The following CCDC148 variants were observed in gnomAD, a reference collection of about 807,000 sequenced individuals.
The protein encoded by CCDC148 is coiled-coil domain containing 148, also known as coiled-coil domain-containing protein 148.
Under a neutral mutation model 85.7 loss-of-function variants are expected in CCDC148, and 89 were observed. The ratio of observed to expected loss-of-function variants is 1.04; its 90% CI spans 0.87 to 1.24. The LOEUF (loss-of-function observed/expected upper bound fraction) is 1.24, where lower values mean the gene tolerates loss of function less well. Ranked by LOEUF, CCDC148 falls within the 50% of genes most tolerant of loss-of-function variation. The pLI is 0.00. For missense variants in CCDC148, 692 were observed against 671.7 expected (o/e 1.03, Z -0.33); for synonymous variants, 230 against 213.9 (o/e 1.08, Z -0.66).
intron 1 of CCDC148, among the ~76,000 whole-genome samples, chr2:158,448,061 T>C (rs1256689452): frequency 6.6e-6 from 1 of 152,112 alleles, no homozygotes; most frequent in African/African-American, 2.4e-5. Context: ...GTATGGTGTT[T>C]GGTAAGAATT....
chr2:158,326,194 C>A (rs1446329672), intron 7 of CCDC148, among the ~76,000 whole-genome samples: 1 of 152,174 alleles, frequency 6.6e-6, no homozygotes, highest in Non-Finnish European at 1.5e-5. Flanking sequence ...CAGGCATACT[C>A]CCGCCTCAGT....
intron 1 of CCDC148, among the ~76,000 whole-genome samples, chr2:158,416,112 T>C (rs1686488377): frequency 1.3e-5 from 2 of 152,076 alleles, no homozygotes; most frequent in Admixed American, 6.5e-5. Flanking sequence ...TCTGGAGGAG[T>C]GGCCTGAGAC....
chr2:158,357,151 G>A (rs957803427), intron 2 of CCDC148, among the ~76,000 whole-genome samples: 3 of 151,236 alleles, frequency 2.0e-5, no homozygotes, highest in African/African-American at 7.3e-5. Flanking sequence ...AGTGGGTGCA[G>A]TGCACCAGAA....
chr2:158,369,639 T>C (rs1392396070), intron 1 of CCDC148, among the ~76,000 whole-genome samples: 1 of 152,128 alleles, frequency 6.6e-6, no homozygotes, highest in Non-Finnish European at 1.5e-5. Context: ...TACTTCCTAT[T>C]TGAATATTCT....
intron 7 of CCDC148, among the ~76,000 whole-genome samples, chr2:158,329,398 T>C (rs1204659940): frequency 6.6e-6 from 1 of 152,238 alleles, no homozygotes; most frequent in African/African-American, 2.4e-5. Context: ...ACCAGTACCA[T>C]GCTGTTTTGG....
chr2:158,249,398 T>C (rs1260225279), intron 10 of CCDC148, among the ~76,000 whole-genome samples: 1 of 152,180 alleles, frequency 6.6e-6, no homozygotes, highest in African/African-American at 2.4e-5. Context: ...ACTTACATTA[T>C]TTGAAACGTG....
intron 10 of CCDC148, among the ~76,000 whole-genome samples, chr2:158,244,096 A>C (rs1574475604): frequency 1.3e-5 from 2 of 152,020 alleles, no homozygotes; most frequent in Non-Finnish European, 2.9e-5. Flanking sequence ...CCATATTTCT[A>C]CTAACAGTTG....
chr2:158,213,136 G>T (rs1686666998), intron 11 of CCDC148, among the ~76,000 whole-genome samples: 2 of 152,160 alleles, frequency 1.3e-5, no homozygotes, highest in Admixed American at 6.6e-5. Flanking sequence ...TTCTAATGTA[G>T]CAAAGAATGG....
chr2:158,280,019 C>A (rs1690189122), intron 9 of CCDC148, among the ~76,000 whole-genome samples: 1 of 151,662 alleles, frequency 6.6e-6, no homozygotes. Flanking sequence ...TCATATCCAG[C>A]CAAACTAAGC....
In CCDC148 at chr2:158,226,280, C is replaced by A. The variant is rs556312915; in HGVS notation, c.1252-5567G>T. ...GAAGAAGTTGAATCTCTGAAGAGAC[C>A]AATAACAGGCTCTGAAATTGAGGCA... is the stretch of plus-strand genomic sequence containing the variant. On this transcript the variant is annotated intron_variant, in intron 10 of 13. Coordinates refer to ENST00000283233, the MANE Select transcript of CCDC148 (RefSeq NM_138803.4). Among the ~76,000 whole-genome samples, 8 of 152,066 alleles carry A rather than the reference C, an allele frequency of 5.3e-5. No homozygotes were observed. The East Asian group carries it at 1.3e-3, about 26-fold the overall frequency.
At chr2:158,398,588 A>T (rs532647085) in intron 1 of CCDC148, among the ~76,000 whole-genome samples, 11 of 152,200 alleles carry the variant, frequency 7.2e-5, no homozygotes, top group Non-Finnish European at 1.6e-4. Flanking sequence ...ATGAGAACAA[A>T]GGCATAACAC....
chr2:158,187,652 C>A (rs542675124), intron 11 of CCDC148, among the ~76,000 whole-genome samples: 2 of 152,136 alleles, frequency 1.3e-5, no homozygotes, highest in East Asian at 3.9e-4. Context: ...ACTGATGATA[C>A]CTTCTTCTTG....
intron 10 of CCDC148, among the ~76,000 whole-genome samples, chr2:158,244,972 A>G (rs550042640): frequency 6.6e-6 from 1 of 152,298 alleles, no homozygotes; most frequent in East Asian, 1.9e-4. Context: ...AGCTCTTTAG[A>G]TCAGTATACT....
intron 7 of CCDC148, among the ~76,000 whole-genome samples, chr2:158,328,172 C>G (rs989778726): frequency 6.6e-6 from 1 of 152,108 alleles, no homozygotes; most frequent in East Asian, 1.9e-4. Flanking sequence ...CCTCCGCCCA[C>G]CCCACAACAG....
At chr2:158,451,566 G>A (rs1449264944) in intron 1 of CCDC148, among the ~76,000 whole-genome samples, 1 of 151,894 alleles carries the variant, frequency 6.6e-6, no homozygotes, top group African/African-American at 2.4e-5. Context: ...CCATACCAAT[G>A]ATGCGGCAAA....
chr2:158,191,487 G>A (rs1373817657), intron 11 of CCDC148, among the ~76,000 whole-genome samples: 2 of 151,928 alleles, frequency 1.3e-5, no homozygotes, highest in Non-Finnish European at 1.5e-5. Flanking sequence ...TTTCACAAAC[G>A]CCTTCGGGGT....
chr2:158,365,367 T>A (rs532591569), intron 1 of CCDC148, among the ~76,000 whole-genome samples: 1 of 152,308 alleles, frequency 6.6e-6, no homozygotes, highest in African/African-American at 2.4e-5. Flanking sequence ...ATATGTTTAT[T>A]GTGGCACTGT....
chr2:158,306,068 T>C (rs934084832), intron 9 of CCDC148, among the ~76,000 whole-genome samples: 3 of 152,118 alleles, frequency 2.0e-5, no homozygotes, highest in African/African-American at 7.2e-5. Context: ...ACTATAGGGA[T>C]AGAGAACAGA....
chr2:158,230,288 G>T (rs984763916), intron 10 of CCDC148, among the ~76,000 whole-genome samples: 1 of 152,136 alleles, frequency 6.6e-6, no homozygotes, highest in Non-Finnish European at 1.5e-5. Flanking sequence ...TCTAAGAAGG[G>T]GATACGTAGA....
Sources: allele counts gnomAD v4.1 joint callset (sites outside exome capture counted in the v4.1 genomes callset), GRCh38; gene constraint gnomAD v4.1.1; transcripts MANE v1.5; gene names NCBI Gene and HGNC (gene_info 2026-07-23, HGNC 2026-07-21).